Variants in NSMCE2 observed in about 807,000 individuals in gnomAD.
The protein encoded by NSMCE2 is E3 SUMO-protein ligase NSE2.
A neutral mutation model predicts 23.8 loss-of-function variants in NSMCE2; 24 were observed. The ratio of observed to expected loss-of-function variants is 1.01; its 90% CI spans 0.73 to 1.42. The LOEUF (loss-of-function observed/expected upper bound fraction) is 1.42, where lower values mean the gene tolerates loss of function less well. NSMCE2 is among the 40% of genes most tolerant of loss of function. NSMCE2 has a pLI of 0.00. For missense variants in NSMCE2, 284 were observed against 296.5 expected (o/e 0.96, Z 0.31); for synonymous variants, 92 against 94.1 (o/e 0.98, Z 0.13).
intron 3 of NSMCE2, among the ~76,000 whole-genome samples, chr8:125,134,419 T>C (rs1819953999): frequency 6.6e-6 from 1 of 152,204 alleles, no homozygotes; most frequent in Non-Finnish European, 1.5e-5. Flanking sequence ...TCCCCATCCT[T>C]GTCAACACTT....
chr8:125,227,457 C>T (rs920746758), intron 5 of NSMCE2, among the ~76,000 whole-genome samples: 1 of 152,214 alleles, frequency 6.6e-6, no homozygotes, highest in African/African-American at 2.4e-5. Flanking sequence ...TACCGAATAA[C>T]GAATCAAATG....
chr8:125,366,290 C>T (rs1399294140), intron 7 of NSMCE2, among the ~76,000 whole-genome samples: 1 of 152,160 alleles, frequency 6.6e-6, no homozygotes, highest in Non-Finnish European at 1.5e-5. Context: ...CCGGTAATCC[C>T]AGCACTTTGG....
At chr8:125,123,309 C>G (rs75984360) in intron 3 of NSMCE2, among the ~76,000 whole-genome samples, 4,748 of 152,246 alleles carry the variant, frequency 0.031, 242 homozygotes, top group African/African-American at 0.11. Context: ...TCCAAAAGCC[C>G]TTTACATTTT....
chr8:125,336,980 C>G (rs1318199303), intron 5 of NSMCE2, among the ~76,000 whole-genome samples: 1 of 152,238 alleles, frequency 6.6e-6, no homozygotes, highest in African/African-American at 2.4e-5. Context: ...TTAGTAATAT[C>G]CCAACATCTG....
At chr8:125,215,408 A>G (rs1265239291) in intron 5 of NSMCE2, among the ~76,000 whole-genome samples, 2 of 151,710 alleles carry the variant, frequency 1.3e-5, no homozygotes, top group Admixed American at 1.3e-4. Flanking sequence ...TCCATGGTGT[A>G]TATATGCCAC....
chr8:125,356,001 T>A (rs62521020), intron 5 of NSMCE2, among the ~76,000 whole-genome samples: 3,408 of 152,148 alleles, frequency 0.022, 66 homozygotes, highest in Non-Finnish European at 0.035. Context: ...TCTTTCAGAG[T>A]GTCCATAAGG....
Position 125,173,547 on chromosome 8 carries a change from T to C in NSMCE2, c.265-8556T>C, listed in dbSNP as rs149774690. 5.6e-4 allele frequency among the ~76,000 whole-genome samples: 86 copies of C among 152,322 alleles called. No individual in the cohort carries two copies. In the East Asian group the frequency reaches 0.016, roughly 29 times the overall value. On this transcript the variant is annotated intron_variant, in intron 4 of 7. Coordinates refer to ENST00000287437, the MANE Select transcript of NSMCE2 (RefSeq NM_173685.4). ...ATAGGGTATGTGGTAAGAAGAGCAATCCATTAGCATCATACCATCATTGTA... is the reference window on the plus strand; with the variant it reads ...ATAGGGTATGTGGTAAGAAGAGCAACCCATTAGCATCATACCATCATTGTA...
chr8:125,143,653 C>G (rs941793150), intron 3 of NSMCE2, among the ~76,000 whole-genome samples: 2 of 152,158 alleles, frequency 1.3e-5, no homozygotes, highest in Admixed American at 1.3e-4. Flanking sequence ...CATGCCTGTA[C>G]ATGGCTTTGT....
chr8:125,176,051 C>T (rs1420189961), intron 4 of NSMCE2, among the ~76,000 whole-genome samples: 3 of 152,152 alleles, frequency 2.0e-5, no homozygotes, highest in Admixed American at 2.0e-4. Context: ...GTTGCAGTCA[C>T]AGGGGTGTTG....
Position 125,260,742 on chromosome 8 carries a change from A to G in NSMCE2, c.418+78486A>G, listed in dbSNP as rs531913402. On this transcript the variant is annotated intron_variant, in intron 5 of 7. Coordinates refer to ENST00000287437, the MANE Select transcript of NSMCE2 (RefSeq NM_173685.4). ...CAGGTTCAAGTGATTCTCATGCCTTAGCCTCCCGAGTAGCTGGGATTACAG... is the reference window on the plus strand; with the variant it reads ...CAGGTTCAAGTGATTCTCATGCCTTGGCCTCCCGAGTAGCTGGGATTACAG... Among the ~76,000 whole-genome samples, 7 of 151,564 alleles carry G rather than the reference A, an allele frequency of 4.6e-5. No homozygotes were observed. The East Asian group carries it at 1.4e-3, about 29-fold the overall frequency.
At chr8:125,110,992 C>G (rs563015506) in intron 3 of NSMCE2, among the ~76,000 whole-genome samples, 169 of 152,136 alleles carry the variant, frequency 1.1e-3, no homozygotes, top group Non-Finnish European at 2.1e-3. Flanking sequence ...CAACAGCTCT[C>G]ATGTTTGCTC....
chr8:125,185,304 AT>A (rs60256707), intron 5 of NSMCE2, among the ~76,000 whole-genome samples: 9,304 of 148,682 alleles, frequency 0.063, 315 homozygotes, highest in African/African-American at 0.079. Flanking sequence ...TACATTTTAA[AT>A]TTTTTTTTTT....
At chr8:125,328,952 G>A (rs1163499306) in intron 5 of NSMCE2, among the ~76,000 whole-genome samples, 1 of 152,188 alleles carries the variant, frequency 6.6e-6, no homozygotes, top group South Asian at 2.1e-4. Flanking sequence ...CTTCTTGGCT[G>A]CCTGCATGAG....
intron 5 of NSMCE2, among the ~76,000 whole-genome samples, chr8:125,225,359 C>G (rs979339874): frequency 6.6e-6 from 1 of 152,196 alleles, no homozygotes; most frequent in African/African-American, 2.4e-5. Context: ...TCTGTCCTTT[C>G]GACTCCATTC....
chr8:125,349,275 A>G (rs1245129258), intron 5 of NSMCE2, among the ~76,000 whole-genome samples: 1 of 152,240 alleles, frequency 6.6e-6, no homozygotes, highest in Non-Finnish European at 1.5e-5. Context: ...GCTTTTGCAC[A>G]TTAGCGTGAC....
intron 4 of NSMCE2, among the ~76,000 whole-genome samples, chr8:125,161,987 C>T (rs1044575033): frequency 4.6e-5 from 7 of 152,046 alleles, no homozygotes; most frequent in African/African-American, 1.7e-4. Flanking sequence ...GTTGGTACCA[C>T]GAAGCAAGTC....
At chr8:125,353,011 T>C (rs1334293267) in intron 5 of NSMCE2, among the ~76,000 whole-genome samples, 1 of 152,216 alleles carries the variant, frequency 6.6e-6, no homozygotes, top group Non-Finnish European at 1.5e-5. Context: ...TCGTGATCAC[T>C]GATGCTGGTA....
At chr8:125,164,541 A>C (rs1384240555) in intron 4 of NSMCE2, among the ~76,000 whole-genome samples, 1 of 152,214 alleles carries the variant, frequency 6.6e-6, no homozygotes, top group African/African-American at 2.4e-5. Flanking sequence ...GTGACTCCCC[A>C]CACTGATGTG....
At chr8:125,305,575 T>TTGC (rs1828724194) in intron 5 of NSMCE2, among the ~76,000 whole-genome samples, 1 of 152,138 alleles carries the variant, frequency 6.6e-6, no homozygotes. Flanking sequence ...AATGTGGGTG[T>TTGC]TGCTGGCTTA....
Sources: gnomAD v4.1 joint callset for allele counts (sites outside exome capture counted in the v4.1 genomes callset) on GRCh38, gnomAD v4.1.1 for gene constraint, MANE v1.5 for transcripts, NCBI Gene and HGNC (gene_info 2026-07-23, HGNC 2026-07-21) for gene names.